The following TSR3 variants were observed in gnomAD, a reference collection of about 807,000 sequenced individuals.
TSR3 encodes the protein TSR3 ribosome maturation factor, also known as 18S rRNA aminocarboxypropyltransferase.
Under a neutral mutation model 28.1 loss-of-function variants are expected in TSR3, and 31 were observed. That is an observed-to-expected ratio of 1.10 (90% CI 0.83 to 1.49). The LOEUF (loss-of-function observed/expected upper bound fraction) is 1.49. Among genes scored for constraint, TSR3 ranks in the 40% most tolerant of loss-of-function variants. The pLI is 0.00. For synonymous variants in TSR3, 219 were observed against 197.2 expected (o/e 1.11, Z -0.93); for missense variants, 511 against 444.0 (o/e 1.15, Z -1.36).
intron 5 of TSR3, 34 bp from the exon 6 acceptor site, chr16:1,349,642 C>T (rs1270498424): frequency 9.6e-6 from 15 of 1,560,274 alleles, no homozygotes; most frequent in Admixed American, 1.9e-5. Context: ...TCCCAAATGA[C>T]GTCCTCCCTG....
chr16:1,349,810 G>A (rs1382026423), intron 5 of TSR3, 79 bp downstream of exon 5: 33 of 1,555,636 alleles, frequency 2.1e-5, no homozygotes, highest in Non-Finnish European at 2.7e-5. Context: ...ACCACCCCCA[G>A]GCAGCAGGAA....
Position 1,350,245 on chromosome 16 carries a change from G to A in TSR3, c.527-11C>T, listed in dbSNP as rs753065771. 7 of 1,574,518 alleles carry A rather than the reference G, an allele frequency of 4.4e-6. No homozygotes were observed. In the South Asian group the frequency reaches 6.7e-5, roughly 15 times the overall value. On this transcript the variant is annotated splice_polypyrimidine_tract_variant and intron_variant, in intron 3 of 5. Coordinates refer to ENST00000007390, the MANE Select transcript of TSR3 (RefSeq NM_001001410.3). ...CAAGGTCTGGAAAGCCTGACGGTGT[G>A]AGAAACAGGAAACCCAAAGAAGTCG...
rs1480447614 is a variant in TSR3, at chr16:1,350,185, C to T, written c.576G>A (p.Lys192=). 2 of 1,608,118 alleles carry T rather than the reference C, an allele frequency of 1.2e-6. No individual in the cohort carries two copies. Among genetic ancestry groups the T allele is most frequent in the Non-Finnish European group, 1.7e-6 (2 of 1,179,344 alleles). The part of the protein sequence containing the change: ...VILLRKFKWG[K]GFLDLNRQLL... ...GCTGGCGGTTCAGGTCCAAGAAGCC[C>T]TTGCCCCATTTAAACTTCCGCAGCA... Residue 192 remains lysine, a synonymous_variant, in exon 4 of 6, where the codon AAG becomes AAA. Coordinates refer to ENST00000007390, the MANE Select transcript of TSR3 (RefSeq NM_001001410.3).
rs1458671783 is a variant in TSR3, at chr16:1,351,737, C to T, written c.68G>A (p.Arg23His). ...EGGRPRHLPT[R>H]SLEAFAEEVG... ...CTCCTCGGCGAAGGCCTCCAGGGAG[C>T]GCGTCGGGAGGTGCCGAGGGCGGCC... Residue 23 changes from arginine (R) to histidine (H), a missense_variant, in exon 1 of 6, where the codon CGC becomes CAC. Transcript: ENST00000007390. 4.5e-5 allele frequency: 61 copies of T among 1,368,340 alleles called. No homozygotes were observed. The highest frequency in any genetic ancestry group is 2.4e-4 in the South Asian group (14 of 59,424). 84.8% of individuals were successfully genotyped at this position (1,368,340 alleles called of 1,614,324 possible). A position where few individuals can be genotyped will look rare whatever the true frequency, so the allele number is the denominator to read the frequency against.
At chr16:1,349,722 C>T (rs1381486395) in intron 5 of TSR3, 114 bp from the exon 6 acceptor site, 1 of 1,410,262 alleles carries the variant, frequency 7.1e-7, no homozygotes. Context: ...TCCCTGTGCT[C>T]TCCACACCCA....
chr16:1,351,455 A>G lies in TSR3; in HGVS notation c.256T>C (p.Cys86Arg), dbSNP rs770344448. ...CCGAATCTGTGGCCCAGGCGCAGGCAGCGCACCAGCCCCAGGCGGGCCAGC... is the reference window on the plus strand; with the variant it reads ...CCGAATCTGTGGCCCAGGCGCAGGCGGCGCACCAGCCCCAGGCGGGCCAGC... ...RKLARLGLVR[C>R]LRLGHRFGGL... Residue 86 changes from cysteine to arginine, a missense_variant, in exon 2 of 6, where the codon TGC becomes CGC. Physicochemically the swap from Cys to Arg is radical, Grantham distance 180. Coordinates refer to ENST00000007390, the MANE Select transcript of TSR3 (RefSeq NM_001001410.3). 6.3e-7 allele frequency: 1 copy of G among 1,592,396 alleles called. No individual in the cohort carries two copies. The highest frequency in any genetic ancestry group is 8.5e-7 in the Non-Finnish European group (1 of 1,177,472).
chr16:1,351,801 C>A lies in TSR3; in HGVS notation c.4G>T (p.Gly2Cys). The change falls in exon 1 of 6, where the codon GGC becomes TGC. Residue 2 changes from glycine to cysteine, a missense_variant. Physicochemically the swap from Gly to Cys is radical, Grantham distance 159. Coordinates refer to ENST00000007390, the MANE Select transcript of TSR3 (RefSeq NM_001001410.3). M[G>C]RRRAARGPGA... Reference sequence around the variant, plus strand: ...GGCCCGCGCGCTGCCCTCCTGCGGCCCATGGCGCGGACCTGGGGTGCCGGG... The same window carrying A: ...GGCCCGCGCGCTGCCCTCCTGCGGCACATGGCGCGGACCTGGGGTGCCGGG... 1 of 1,326,692 alleles carries A rather than the reference C, an allele frequency of 7.5e-7. No homozygotes were observed. The highest frequency in any genetic ancestry group is 9.6e-7 in the Non-Finnish European group (1 of 1,044,706). The allele number at this position is 1,326,692 out of a possible 1,614,324, so 82.2% of individuals were successfully genotyped here.
At position 1,350,141 on chromosome 16, in the gene TSR3, G is replaced by A; in HGVS notation, c.620C>T (p.Ala207Val). 2 of 1,612,460 alleles carry A rather than the reference G, an allele frequency of 1.2e-6. No individual in the cohort carries two copies. The highest frequency in any genetic ancestry group is 1.7e-6 in the Non-Finnish European group (2 of 1,179,802). Residue 207 changes from alanine to valine, a missense_variant, in exon 4 of 6, where the codon GCC becomes GTC. Physicochemically the swap from Ala to Val is moderately conservative, Grantham distance 64. Coordinates refer to ENST00000007390, the MANE Select transcript of TSR3 (RefSeq NM_001001410.3). ...CAGCACCTCCTCCGGGCTGCCGCAG[G>A]CCGCGTACTTGTCCAGGAGCTGGCG... ...LNRQLLDKYA[A>V]CGSPEEVLQA...
rs1398993588 is a variant in TSR3, at chr16:1,349,912, G to C, written c.744C>G (p.Pro248=). 3 of 1,613,596 alleles carry C rather than the reference G, an allele frequency of 1.9e-6. No homozygotes were observed. Among genetic ancestry groups the C allele is most frequent in the Non-Finnish European group, 1.7e-6 (2 of 1,180,018 alleles). ...DVDSGREFGN[P]NRPVASTRLP... is the part of the protein sequence containing the mutation. ...ACCGGGTGCTGGCCACAGGCCTGTT[G>C]GGGTTTCCAAACTCTCTCCCTGAAT... is the stretch of plus-strand genomic sequence containing the variant. The change falls in exon 5 of 6, where the codon CCC becomes CCG. Residue 248 remains proline (P), a synonymous_variant. Coordinates refer to ENST00000007390, the MANE Select transcript of TSR3 (RefSeq NM_001001410.3).
chr16:1,349,565 C>G lies in TSR3; in HGVS notation c.811G>C (p.Gly271Arg), dbSNP rs748329950. ...TDDSDASEDP[G>R]PGAERGGASS... ...GCTCCTCCGCGCTCGGCGCCAGGCC[C>G]TGGGTCCTCAGACGCATCACTGTCA... The change falls in exon 6 of 6, where the codon GGG becomes CGG. Residue 271 changes from glycine to arginine, a missense_variant. Physicochemically the swap from Gly to Arg is moderately radical, Grantham distance 125. Transcript: ENST00000007390. 2 of 1,612,848 alleles carry G rather than the reference C, an allele frequency of 1.2e-6. No homozygotes were observed. The highest frequency in any genetic ancestry group is 1.7e-6 in the Non-Finnish European group (2 of 1,179,850).
rs564100741 is a variant in TSR3, at chr16:1,349,330, G to A, written c.*107C>T. ...GTGTGGGGAGAACCCGGACAGCTCA[G>A]TCCTGCCAGCAGCCGCAAAGAGCCG... is the stretch of plus-strand genomic sequence containing the variant. On this transcript the variant is annotated 3_prime_UTR_variant, in exon 6 of 6. Coordinates refer to ENST00000007390, the MANE Select transcript of TSR3 (RefSeq NM_001001410.3). 7.7e-7 allele frequency: 1 copy of A among 1,294,244 alleles called. No homozygotes were observed. The highest frequency in any genetic ancestry group is 1.5e-5 in the African/African-American group (1 of 68,828). The allele number at this position is 1,294,244 out of a possible 1,614,324, so 80.2% of individuals were successfully genotyped here. A position where few individuals can be genotyped will look rare whatever the true frequency, so the allele number is the denominator to read the frequency against.
rs2034605175 is a variant in TSR3, at chr16:1,349,487, T to A, written c.889A>T (p.Arg297Trp). ...EQTQGRGAEARAPAEVWKGIK... is the reference protein window; with the variant it reads ...EQTQGRGAEAWAPAEVWKGIK... ...CCTTTCCAAACCTCAGCCGGGGCCC[T>A]GGCCTCAGCCCCCCGTCCCTGCGTC... Residue 297 changes from arginine (R) to tryptophan (W), a missense_variant, in exon 6 of 6, where the codon AGG becomes TGG. Transcript: ENST00000007390. The A allele has an allele frequency of 6.2e-7, 1 of 1,613,494 alleles. No homozygotes were observed. The highest frequency in any genetic ancestry group is 1.3e-5 in the African/African-American group (1 of 74,938).
chr16:1,351,293 G>T, intron 2 of TSR3, 86 bp downstream of exon 2: 2 of 1,374,286 alleles, frequency 1.5e-6, no homozygotes, highest in Non-Finnish European at 2.0e-6. Flanking sequence ...GGATGTGGGT[G>T]CGACATACAA....
At chr16:1,350,687 C>A in intron 3 of TSR3, 120 bp downstream of exon 3, 2 of 1,208,720 alleles carry the variant, frequency 1.7e-6, no homozygotes, top group South Asian at 1.4e-5. Flanking sequence ...TCTGTCTGAA[C>A]TGTTCCCCTG....
intron 2 of TSR3, 28 bp from the exon 3 acceptor site, chr16:1,351,028 AGGAGCCAGCACTACCCAAGGT>A: frequency 6.2e-7 from 1 of 1,606,472 alleles, no homozygotes; most frequent in Non-Finnish European, 8.5e-7. Flanking sequence ...GGATAAGTTC[AGGAGCCAGCACTACCCAAGGT>A]GGAGCATGCC....
chr16:1,349,915 G>A lies in TSR3; in HGVS notation c.741C>T (p.Asn247=), dbSNP rs747791504. 8 of 1,613,720 alleles carry A rather than the reference G, an allele frequency of 5.0e-6. No homozygotes were observed. Among genetic ancestry groups the A allele is most frequent in the Admixed American group, 3.3e-5 (2 of 60,022 alleles). ...FDVDSGREFG[N]PNRPVASTRL... ...GGGTGCTGGCCACAGGCCTGTTGGG[G>A]TTTCCAAACTCTCTCCCTGAATCCA... is the stretch of plus-strand genomic sequence containing the variant. The change falls in exon 5 of 6, where the codon AAC becomes AAT. Residue 247 remains asparagine, a synonymous_variant. Coordinates refer to ENST00000007390, the MANE Select transcript of TSR3 (RefSeq NM_001001410.3).
intron 5 of TSR3, 112 bp downstream of exon 5, chr16:1,349,777 A>C: frequency 2.1e-6 from 3 of 1,432,642 alleles, no homozygotes; most frequent in Non-Finnish European, 2.9e-6. Flanking sequence ...TAGTCAGAAG[A>C]CCATCGGGGT....
chr16:1,349,972 T>C lies in TSR3; in HGVS notation c.704-20A>G, dbSNP rs754473087. 4 of 1,613,114 alleles carry C rather than the reference T, an allele frequency of 2.5e-6. No individual in the cohort carries two copies. Among genetic ancestry groups the C allele is most frequent in the African/African-American group, 2.7e-5 (2 of 74,912 alleles). ...AGGGATCTGAGCCGAGAGAGGAAAGTGGCCTCTAAGTGAGCTCAGAGCAGG... is the reference window on the plus strand; with the variant it reads ...AGGGATCTGAGCCGAGAGAGGAAAGCGGCCTCTAAGTGAGCTCAGAGCAGG... On this transcript the variant is annotated intron_variant, in intron 4 of 5. Coordinates refer to ENST00000007390, the MANE Select transcript of TSR3 (RefSeq NM_001001410.3).
Position 1,351,753 on chromosome 16 carries a change from G to A in TSR3, c.52C>T (p.Arg18Trp), listed in dbSNP as rs2034684340. 1 of 1,356,044 alleles carries A rather than the reference G, an allele frequency of 7.4e-7. No homozygotes were observed. Among genetic ancestry groups the A allele is most frequent in the South Asian group, 1.8e-5 (1 of 56,592 alleles). 84.0% of individuals were successfully genotyped at this position (1,356,044 alleles called of 1,614,324 possible). The change falls in exon 1 of 6, where the codon CGG (arginine) becomes TGG (tryptophan). Residue 18 changes from arginine (R) to tryptophan (W), a missense_variant. Transcript: ENST00000007390. ...RGPGAEGGRPRHLPTRSLEAF... is the reference protein window; with the variant it reads ...RGPGAEGGRPWHLPTRSLEAF... ...TCCAGGGAGCGCGTCGGGAGGTGCC[G>A]AGGGCGGCCGCCTTCCGCCCCCGGC...
Sources: gnomAD v4.1 joint callset for allele counts on GRCh38, gnomAD v4.1.1 for gene constraint, MANE v1.5 for transcripts, NCBI Gene and HGNC (gene_info 2026-07-23, HGNC 2026-07-21) for gene names.